ARFGAP3: variants seen among roughly 807,000 people sequenced by gnomAD.
ARFGAP3 encodes the protein ADP-ribosylation factor GTPase-activating protein 3.
ARFGAP3 carries 72 observed loss-of-function variants against 75.0 expected under a neutral mutation model. The observed-to-expected ratio is 0.96, with a 90% confidence interval of 0.79 to 1.17. ARFGAP3 has a LOEUF of 1.17. ARFGAP3 is among the 50% of genes most tolerant of loss of function. The pLI, the probability that ARFGAP3 is intolerant of heterozygous loss-of-function variation, is 0.00. For missense variants in ARFGAP3, 620 were observed against 626.6 expected (o/e 0.99, Z 0.11); for synonymous variants, 221 against 217.9 (o/e 1.01, Z -0.13).
intron 6 of ARFGAP3, 133 bp from the exon 7 acceptor site, chr22:42,827,132 T>C (rs371990827): frequency 7.4e-7 from 1 of 1,351,782 alleles, no homozygotes; most frequent in Non-Finnish European, 9.6e-7. Flanking sequence ...TTTTTAGCTG[T>C]ATATTCTATT....
intron 1 of ARFGAP3, among the ~76,000 whole-genome samples, chr22:42,848,898 G>C (rs1227135289): frequency 6.6e-6 from 1 of 152,148 alleles, no homozygotes; most frequent in East Asian, 1.9e-4. Context: ...TTTTGAGATT[G>C]GGTTACAAAT....
At chr22:42,803,054 G>A (rs1018181957) in intron 14 of ARFGAP3, among the ~76,000 whole-genome samples, 14 of 152,222 alleles carry the variant, frequency 9.2e-5, no homozygotes, top group African/African-American at 3.1e-4. Flanking sequence ...GGAGTACAGT[G>A]GTGTGATCAC....
intron 12 of ARFGAP3, 31 bp downstream of exon 12, chr22:42,810,782 C>A: frequency 6.3e-7 from 1 of 1,589,142 alleles, no homozygotes; most frequent in Non-Finnish European, 8.6e-7. Flanking sequence ...CATGGATTCA[C>A]TACTACAACC....
chr22:42,825,906 A>C (rs1926017624), intron 7 of ARFGAP3, among the ~76,000 whole-genome samples: 2 of 152,212 alleles, frequency 1.3e-5, no homozygotes, highest in African/African-American at 4.8e-5. Flanking sequence ...TGATAGGAAA[A>C]GATAGCATAA....
intron 9 of ARFGAP3, among the ~76,000 whole-genome samples, chr22:42,821,065 G>A (rs1602105695): frequency 6.6e-6 from 1 of 151,992 alleles, no homozygotes; most frequent in African/African-American, 2.4e-5. Context: ...CGACACACAC[G>A]ATCATTCCAC....
chr22:42,841,737 G>A (rs1188932090), intron 2 of ARFGAP3, among the ~76,000 whole-genome samples: 2 of 152,108 alleles, frequency 1.3e-5, no homozygotes, highest in African/African-American at 2.4e-5. Context: ...AACTGTAAAG[G>A]AATGTGGATA....
Position 42,835,489 on chromosome 22 carries a change from G to A in ARFGAP3, c.266C>T (p.Ser89Phe). Residue 89 changes from serine to phenylalanine, a missense_variant, in exon 4 of 16, where the codon TCC (serine) becomes TTC (phenylalanine). Coordinates refer to ENST00000263245, the MANE Select transcript of ARFGAP3 (RefSeq NM_014570.5). ...MQVGGNASAS[S>F]FFHQHGCSTN... ...GGAACACCCATGTTGATGAAAAAAG[G>A]AAGACTACAGAGAAAAGCATGCACA... 6.2e-7 allele frequency: 1 copy of A among 1,613,756 alleles called. No homozygotes were observed. The highest frequency in any genetic ancestry group is 1.1e-5 in the South Asian group (1 of 91,070).
rs1484418190 is a variant in ARFGAP3, at chr22:42,845,445, G to C, written c.188+2069C>G. Among the ~76,000 whole-genome samples the C allele has an allele frequency of 4.7e-5, 7 of 149,788 alleles. No individual in the cohort carries two copies. The East Asian group carries it at 1.4e-3, about 29-fold the overall frequency. ...GAGACTGAGGGCAGGAGAATCATTT[G>C]AATCTGGGAGGCGGAAGTTGAGGTG... On this transcript the variant is annotated intron_variant, in intron 2 of 15. Transcript: ENST00000263245.
rs192614705 is a variant in ARFGAP3 at position 42,796,711 on chromosome 22, T to A, written c.*877A>T. 5.3e-5 allele frequency: 8 copies of A among 152,346 alleles called. No homozygotes were observed. The highest frequency in any genetic ancestry group is 6.5e-5 in the Admixed American group (1 of 15,308). The allele number at this position is 152,346 out of a possible 1,614,324, so 9.4% of individuals were successfully genotyped here. A position where few individuals can be genotyped will look rare whatever the true frequency, so the allele number is the denominator to read the frequency against. On this transcript the variant is annotated 3_prime_UTR_variant, in exon 16 of 16. Coordinates refer to ENST00000263245, the MANE Select transcript of ARFGAP3 (RefSeq NM_014570.5). ...TAAATTATTTTTCTTTATTTGTTTA[T>A]ACACATTCGGTAATTTCTGAAAAGC... is the stretch of plus-strand genomic sequence containing the variant.
At position 42,797,262 on chromosome 22, in the gene ARFGAP3, G is replaced by C. The variant is rs973114838; in HGVS notation, c.*326C>G. On this transcript the variant is annotated 3_prime_UTR_variant, in exon 16 of 16. Coordinates refer to ENST00000263245, the MANE Select transcript of ARFGAP3 (RefSeq NM_014570.5). ...GACCTCTCCTCCTCCCCCACATGAA[G>C]CCTCCTGGTTCAGGAGCAGGAGGAG... The C allele has an allele frequency of 3.1e-6, 1 of 324,184 alleles. No homozygotes were observed. The highest frequency in any genetic ancestry group is 2.2e-5 in the African/African-American group (1 of 45,902). 20.1% of individuals were successfully genotyped at this position (324,184 alleles called of 1,614,324 possible).
At chr22:42,806,939 C>G in intron 14 of ARFGAP3, 134 bp downstream of exon 14, 1 of 897,048 alleles carries the variant, frequency 1.1e-6, no homozygotes, top group Non-Finnish European at 1.6e-6. Flanking sequence ...TCTGCTCTAC[C>G]TGACTTATAG....
At chr22:42,801,954 C>T (rs1191295944) in intron 14 of ARFGAP3, among the ~76,000 whole-genome samples, 1 of 152,140 alleles carries the variant, frequency 6.6e-6, no homozygotes, top group Non-Finnish European at 1.5e-5. Flanking sequence ...AGGCTCAACA[C>T]AGCTGGAGTG....
At chr22:42,830,538 A>C (rs914662717) in intron 6 of ARFGAP3, among the ~76,000 whole-genome samples, 2 of 152,170 alleles carry the variant, frequency 1.3e-5, no homozygotes, top group Non-Finnish European at 2.9e-5. Context: ...TAACCCATGA[A>C]CTCACTGCTT....
At chr22:42,797,833 G>A (rs1475578185) in intron 15 of ARFGAP3, 22 of 731,448 alleles carry the variant, frequency 3.0e-5, no homozygotes, top group Non-Finnish European at 3.7e-5. Flanking sequence ...TCCTGCCTCT[G>A]GCATCCACGG....
At chr22:42,800,471 C>T (rs1284642184) in intron 14 of ARFGAP3, among the ~76,000 whole-genome samples, 1 of 152,168 alleles carries the variant, frequency 6.6e-6, no homozygotes, top group Non-Finnish European at 1.5e-5. Context: ...GTGGAGGTTG[C>T]AGTGAGCCAA....
intron 14 of ARFGAP3, among the ~76,000 whole-genome samples, chr22:42,800,805 G>T (rs923137755): frequency 2.0e-5 from 3 of 152,224 alleles, no homozygotes; most frequent in African/African-American, 7.2e-5. Context: ...TGGAGGGGCC[G>T]GGTGGCCATG....
intron 2 of ARFGAP3, among the ~76,000 whole-genome samples, chr22:42,846,537 A>G (rs1927028252): frequency 6.6e-6 from 1 of 152,220 alleles, no homozygotes; most frequent in Non-Finnish European, 1.5e-5. Context: ...AAGACGGTTT[A>G]CTCACCAGAG....
chr22:42,844,465 ATCC>A (rs1926918857), intron 2 of ARFGAP3, among the ~76,000 whole-genome samples: 3 of 152,016 alleles, frequency 2.0e-5, no homozygotes. Context: ...CACACCTGTA[ATCC>A]CAGCTACTTC....
chr22:42,833,922 AAT>A (rs1415291043), intron 5 of ARFGAP3, among the ~76,000 whole-genome samples: 1 of 152,178 alleles, frequency 6.6e-6, no homozygotes, highest in Non-Finnish European at 1.5e-5. Flanking sequence ...TCCCCCCAAA[AAT>A]AAATAAATAG....
Sources: allele counts gnomAD v4.1 joint callset (sites outside exome capture counted in the v4.1 genomes callset), GRCh38; gene constraint gnomAD v4.1.1; transcripts MANE v1.5; gene names NCBI Gene and HGNC (gene_info 2026-07-23, HGNC 2026-07-21).